KIAA1549L: variants seen among roughly 807,000 people sequenced by gnomAD.
The protein encoded by KIAA1549L is KIAA1549 like.
Under a neutral mutation model 160.7 loss-of-function variants are expected in KIAA1549L, and 88 were observed. The ratio of observed to expected loss-of-function variants is 0.55; its 90% CI spans 0.46 to 0.65. The LOEUF (loss-of-function observed/expected upper bound fraction) is 0.65, where lower values mean the gene tolerates loss of function less well. Ranked by LOEUF, KIAA1549L falls within the 30% of genes least tolerant of loss-of-function variation. The probability of loss-of-function intolerance (pLI) is 0.00; values close to 1 mark genes in which losing one functional copy is unlikely to be tolerated. For synonymous variants in KIAA1549L, 950 were observed against 976.7 expected (o/e 0.97, Z 0.51); for missense variants, 2,258 against 2,437.5 (o/e 0.93, Z 1.55).
At chr11:33,485,938 A>G (rs1391707655) in intron 1 of KIAA1549L, among the ~76,000 whole-genome samples, 1 of 152,176 alleles carries the variant, frequency 6.6e-6, no homozygotes, top group South Asian at 2.1e-4. Flanking sequence ...CATCCCTGTC[A>G]TCACAAATGA....
intron 13 of KIAA1549L, among the ~76,000 whole-genome samples, chr11:33,605,112 G>GTT (rs1466215730): frequency 6.6e-6 from 1 of 152,130 alleles, no homozygotes; most frequent in Non-Finnish European, 1.5e-5. Flanking sequence ...TTTCTTTAGA[G>GTT]TAAGTGATCC....
chr11:33,422,287 CA>C (rs1851029205), intron 1 of KIAA1549L, among the ~76,000 whole-genome samples: 1 of 152,192 alleles, frequency 6.6e-6, no homozygotes. Flanking sequence ...TGTGATAAAA[CA>C]ACCACTGCCC....
In KIAA1549L at chr11:33,527,242, A is replaced by G. The variant is rs114028328; in HGVS notation, c.239-14560A>G. 9.6e-3 allele frequency among the ~76,000 whole-genome samples: 1,458 copies of G among 152,330 alleles called. 20 individuals carry two copies. Among genetic ancestry groups the G allele is most frequent in the African/African-American group, 0.033 (1,381 of 41,572 alleles). Reference sequence around the variant, plus strand: ...AAGTTTGGAAAACTTATTTGAGAGAATAATTGAGGAAAATGGAGCAGAATA... The same window carrying G: ...AAGTTTGGAAAACTTATTTGAGAGAGTAATTGAGGAAAATGGAGCAGAATA... On this transcript the variant is annotated intron_variant, in intron 1 of 20. Transcript: ENST00000658780.
chr11:33,468,826 C>T (rs1009478439), intron 1 of KIAA1549L, among the ~76,000 whole-genome samples: 3 of 152,026 alleles, frequency 2.0e-5, no homozygotes, highest in African/African-American at 4.8e-5. Context: ...GCTCCCTAGC[C>T]CTGGGAGGAA....
intron 1 of KIAA1549L, among the ~76,000 whole-genome samples, chr11:33,511,095 T>C (rs12283274): frequency 4.6e-5 from 7 of 152,184 alleles, no homozygotes; most frequent in African/African-American, 1.7e-4. Context: ...TGGGCTAGGC[T>C]CAGCCAATCA....
chr11:33,638,121 A>G (rs1851484909), intron 16 of KIAA1549L, among the ~76,000 whole-genome samples: 1 of 152,200 alleles, frequency 6.6e-6, no homozygotes, highest in African/African-American at 2.4e-5. Flanking sequence ...GAAAATTGAC[A>G]TATGGTAAAA....
intron 1 of KIAA1549L, among the ~76,000 whole-genome samples, chr11:33,506,989 A>G (rs1853106242): frequency 6.6e-6 from 1 of 152,098 alleles, no homozygotes; most frequent in Non-Finnish European, 1.5e-5. Flanking sequence ...TTTGGCAGGG[A>G]TGGGGATCAG....
chr11:33,575,464 G>A (rs1169324262), intron 10 of KIAA1549L, among the ~76,000 whole-genome samples: 2 of 152,206 alleles, frequency 1.3e-5, no homozygotes, highest in Non-Finnish European at 2.9e-5. Context: ...TGTGGCAGCT[G>A]CTATGCGAGT....
At chr11:33,457,553 T>C (rs1851854762) in intron 1 of KIAA1549L, among the ~76,000 whole-genome samples, 1 of 152,196 alleles carries the variant, frequency 6.6e-6, no homozygotes, top group Non-Finnish European at 1.5e-5. Context: ...TTTCAGTCAA[T>C]GTGGCCACGG....
At chr11:33,624,141 T>C (rs1447651586) in intron 16 of KIAA1549L, among the ~76,000 whole-genome samples, 2 of 152,202 alleles carry the variant, frequency 1.3e-5, no homozygotes, top group African/African-American at 4.8e-5. Flanking sequence ...CCATGGAGGC[T>C]CTGCAGCTCA....
chr11:33,467,986 C>A (rs1352224366), intron 1 of KIAA1549L, among the ~76,000 whole-genome samples: 1 of 152,236 alleles, frequency 6.6e-6, no homozygotes, highest in African/African-American at 2.4e-5. Flanking sequence ...CATTAATTCC[C>A]TGCATGTATC....
chr11:33,498,294 CT>C (rs1257446067), intron 1 of KIAA1549L, among the ~76,000 whole-genome samples: 1 of 152,152 alleles, frequency 6.6e-6, no homozygotes, highest in Non-Finnish European at 1.5e-5. Context: ...AATTTTTTCT[CT>C]GAACCTGAAC....
chr11:33,616,385 T>C (rs1190124113), intron 15 of KIAA1549L, among the ~76,000 whole-genome samples: 5 of 152,054 alleles, frequency 3.3e-5, no homozygotes, highest in Non-Finnish European at 7.4e-5. Flanking sequence ...CCAGAACAAC[T>C]CAGGTCAGAT....
At chr11:33,591,164 G>T in intron 11 of KIAA1549L, 73 bp from the exon 12 acceptor site, 1 of 1,118,974 alleles carries the variant, frequency 8.9e-7, no homozygotes. Context: ...TTTGCTGCCT[G>T]TCATCTCTTA....
chr11:33,456,887 G>C (rs1160133423), intron 1 of KIAA1549L, among the ~76,000 whole-genome samples: 1 of 152,180 alleles, frequency 6.6e-6, no homozygotes. Flanking sequence ...GCTCAGGCCT[G>C]GGAACAGGCA....
chr11:33,440,006 G>A (rs1200881626), intron 1 of KIAA1549L, among the ~76,000 whole-genome samples: 1 of 150,776 alleles, frequency 6.6e-6, no homozygotes. Flanking sequence ...AAAATATTTG[G>A]ATTTATTTTT....
At chr11:33,633,800 A>C (rs1382709727) in intron 16 of KIAA1549L, among the ~76,000 whole-genome samples, 1 of 152,164 alleles carries the variant, frequency 6.6e-6, no homozygotes, top group Non-Finnish European at 1.5e-5. Context: ...GAGCTAGGCT[A>C]CTTACAAGCT....
intron 10 of KIAA1549L, among the ~76,000 whole-genome samples, chr11:33,581,397 T>TTGTG (rs10579855): frequency 0.044 from 6,535 of 149,712 alleles, 451 homozygotes; most frequent in African/African-American, 0.15. Context: ...TTCTGACAAA[T>TTGTG]TGTGTGTGTG....
At chr11:33,552,342 T>C in intron 6 of KIAA1549L, 101 bp downstream of exon 6, 1 of 1,278,036 alleles carries the variant, frequency 7.8e-7, no homozygotes, top group Non-Finnish European at 1.1e-6. Context: ...CTACCATGTA[T>C]AAATGTAACT....
Sources: allele counts gnomAD v4.1 joint callset (sites outside exome capture counted in the v4.1 genomes callset), GRCh38; gene constraint gnomAD v4.1.1; transcripts MANE v1.5; gene names NCBI Gene and HGNC (gene_info 2026-07-23, HGNC 2026-07-21).